Variants in SDK2 observed in about 807,000 individuals in gnomAD.
SDK2 encodes protein sidekick-2.
SDK2 carries 105 observed loss-of-function variants against 253.9 expected under a neutral mutation model. The ratio of observed to expected loss-of-function variants is 0.41; its 90% confidence interval spans 0.35 to 0.49. The LOEUF (loss-of-function observed/expected upper bound fraction) is 0.49, where lower values mean the gene tolerates loss of function less well. Among genes scored for constraint, SDK2 ranks in the 20% least tolerant of loss-of-function variants. The pLI, the probability that SDK2 is intolerant of heterozygous loss-of-function variation, is 0.06. For synonymous variants in SDK2, 1,249 were observed against 1,234.9 expected, an observed-to-expected ratio of 1.01 and a Z score of -0.24; for missense variants, 2,608 against 3,003.0, an observed-to-expected ratio of 0.87 and a Z score of 3.07.
Position 73,352,696 on chromosome 17 carries a change from C to T in SDK2, c.5594-59G>A. 1 of 1,575,292 alleles carries T rather than the reference C, an allele frequency of 6.3e-7. No individual in the cohort carries two copies. The highest frequency in any genetic ancestry group is 8.7e-7 in the Non-Finnish European group (1 of 1,150,536). On this transcript the variant is annotated intron_variant, in intron 40 of 44. Transcript: ENST00000392650. This position sits in a 1 kb window ranked among gnomAD's most constrained non-coding sequence, Gnocchi z 4.1. ...TGAGGGGAAGCCCCAAATCCCGCTC[C>T]CAGCCCCGTTCTGACTATGCTCCCT...
At chr17:73,414,780 G>A in intron 17 of SDK2, 21 bp from the exon 18 acceptor site, 1 of 1,521,964 alleles carries the variant, frequency 6.6e-7, no homozygotes, top group East Asian at 2.3e-5. Context: ...TGAGAGAACG[G>A]GGTGGGGTGG....
chr17:73,520,893 G>A (rs1246664950), intron 1 of SDK2: 2 of 152,306 alleles, frequency 1.3e-5, no homozygotes, highest in African/African-American at 2.4e-5. Context: ...TGACTGGCAG[G>A]TGGTTGGGAG....
chr17:73,535,899 A>G (rs2044764135), intron 1 of SDK2, among the ~76,000 whole-genome samples: 1 of 152,094 alleles, frequency 6.6e-6, no homozygotes, highest in Non-Finnish European at 1.5e-5. Flanking sequence ...GCTGGGGGTG[A>G]TGCATGCCCT....
Position 73,518,490 on chromosome 17 carries a change from C to T in SDK2, c.65-10893G>A, listed in dbSNP as rs1368755254. ...CTTGGTGCAGCCTCTGCAAGCCCTTCTCATAGCCGGGGCCTCCTGTTTGAA... is the reference window on the plus strand; with the variant it reads ...CTTGGTGCAGCCTCTGCAAGCCCTTTTCATAGCCGGGGCCTCCTGTTTGAA... On this transcript the variant is annotated intron_variant, in intron 1 of 44. Transcript: ENST00000392650. The T allele has an allele frequency of 4.6e-5, 7 of 152,192 alleles. 1 individual carries two copies. The highest frequency in any genetic ancestry group is 3.3e-4 in the Admixed American group (5 of 15,280). The allele number at this position is 152,192 out of a possible 1,614,324, so 9.4% of individuals were successfully genotyped here. A position where few individuals can be genotyped will look rare whatever the true frequency, so the allele number is the denominator to read the frequency against.
chr17:73,400,917 G>A, intron 21 of SDK2, 103 bp downstream of exon 21: 1 of 1,146,936 alleles, frequency 8.7e-7, no homozygotes. Context: ...CAAGGTGCTG[G>A]GACTACAGGC....
intron 5 of SDK2, 53 bp from the exon 6 acceptor site, chr17:73,440,976 C>T: frequency 7.4e-7 from 1 of 1,342,698 alleles, no homozygotes; most frequent in East Asian, 2.5e-5. Flanking sequence ...CCTATCCCTG[C>T]CCAGCCTCAT....
In SDK2 at chr17:73,352,534, C is replaced by A. The variant is rs1191521349; in HGVS notation, c.5697G>T (p.Arg1899=). Residue 1899 remains arginine (R), a synonymous_variant, in exon 41 of 45, where the codon CGG becomes CGT. Coordinates refer to ENST00000392650, the MANE Select transcript of SDK2 (RefSeq NM_001144952.2). This position sits in a 1 kb window ranked among gnomAD's most constrained non-coding sequence, Gnocchi z 4.1. ...AACCATAGTCGTTGACCGCGATGAC[C>A]CGGAAGTCATAGCTCACGCCCGGCT... is the stretch of plus-strand genomic sequence containing the variant. ...ILKPGVSYDF[R]VIAVNDYGFG... is the part of the protein sequence containing the mutation. The A allele has an allele frequency of 1.2e-6, 2 of 1,613,900 alleles. No homozygotes were observed. Among genetic ancestry groups the A allele is most frequent in the African/African-American group, 1.3e-5 (1 of 74,934 alleles).
At chr17:73,391,287 A>T (rs1036644126) in intron 28 of SDK2, among the ~76,000 whole-genome samples, 153 bp downstream of exon 28, 5 of 152,208 alleles carry the variant, frequency 3.3e-5, no homozygotes, top group African/African-American at 1.2e-4. Flanking sequence ...TGGAATTTCT[A>T]GCAGGAGGAC....
At chr17:73,355,200 G>A (rs1379244220) in intron 40 of SDK2, among the ~76,000 whole-genome samples, 6 of 30,604 alleles carry the variant, frequency 2.0e-4, no homozygotes, top group African/African-American at 6.0e-4. Flanking sequence ...TTTTTTAGAC[G>A]GAGTCTCACT....
chr17:73,611,474 G>A (rs1050007392), intron 1 of SDK2, among the ~76,000 whole-genome samples: 1 of 152,212 alleles, frequency 6.6e-6, no homozygotes, highest in Non-Finnish European at 1.5e-5. Context: ...CTTGCTGGAC[G>A]CCCAAGTCCC....
rs1194281119 is a variant in SDK2, at chr17:73,352,928, C to A, written c.5594-291G>T. On this transcript the variant is annotated intron_variant, in intron 40 of 44. Transcript: ENST00000392650. This position sits in a 1 kb window ranked among gnomAD's most constrained non-coding sequence, Gnocchi z 4.1. Reference sequence around the variant, plus strand: ...CCAACATGGTGAAACCCTGTCTCTACTAAAAATACAAAAATTAGTCTGGTG... The same window carrying A: ...CCAACATGGTGAAACCCTGTCTCTAATAAAAATACAAAAATTAGTCTGGTG... 6.6e-6 allele frequency among the ~76,000 whole-genome samples: 1 copy of A among 152,112 alleles called. No individual in the cohort carries two copies. The highest frequency in any genetic ancestry group is 1.5e-5 in the Non-Finnish European group (1 of 68,034).
chr17:73,469,981 T>TGCGCGCGCGC (rs10622822), intron 3 of SDK2, among the ~76,000 whole-genome samples: 216 of 129,588 alleles, frequency 1.7e-3, no homozygotes, highest in African/African-American at 5.8e-3. Flanking sequence ...CATTTGCGAC[T>TGCGCGCGCGC]GCGCGCGCGC....
At chr17:73,625,664 A>G (rs186846051) in intron 1 of SDK2, among the ~76,000 whole-genome samples, 1 of 151,686 alleles carries the variant, frequency 6.6e-6, no homozygotes, top group East Asian at 1.9e-4. Flanking sequence ...TCTTTTTTTG[A>G]GAGAGAGTCT....
intron 1 of SDK2, among the ~76,000 whole-genome samples, chr17:73,581,268 C>T (rs1343884232): frequency 6.6e-6 from 1 of 152,136 alleles, no homozygotes; most frequent in Non-Finnish European, 1.5e-5. Context: ...ACAGACTCCC[C>T]AAGTTCACTT....
chr17:73,585,928 C>T (rs1443857761), intron 1 of SDK2, among the ~76,000 whole-genome samples: 4 of 152,166 alleles, frequency 2.6e-5, no homozygotes, highest in African/African-American at 7.2e-5. Flanking sequence ...GCACACCAAG[C>T]GCATCCATAC....
rs575434577 is a variant in SDK2, at chr17:73,492,455, T to C, written c.224+14983A>G. 3.3e-5 allele frequency among the ~76,000 whole-genome samples: 5 copies of C among 152,232 alleles called. No individual in the cohort carries two copies. In the South Asian group the frequency reaches 1.0e-3, roughly 32 times the overall value. The stretch of plus-strand genomic sequence containing the variant: ...TCTCCCCTGGAGAGACTGTCTCTCT[T>C]AGTCACTAGTCTTCATTCTGCAGAA... On this transcript the variant is annotated intron_variant, in intron 2 of 44. Transcript: ENST00000392650.
intron 36 of SDK2, among the ~76,000 whole-genome samples, chr17:73,371,758 G>A (rs2062735888): frequency 6.6e-6 from 1 of 152,090 alleles, no homozygotes; most frequent in Admixed American, 6.5e-5. Flanking sequence ...TCAGGAGTTT[G>A]AGACCAGCCT....
chr17:73,363,827 G>A (rs751698617), intron 38 of SDK2, among the ~76,000 whole-genome samples: 15 of 151,964 alleles, frequency 9.9e-5, no homozygotes, highest in Admixed American at 8.5e-4. Flanking sequence ...ACCTTGTCTC[G>A]GGGACTGCTG....
intron 1 of SDK2, among the ~76,000 whole-genome samples, chr17:73,589,552 C>G (rs74577417): frequency 2.0e-4 from 31 of 152,330 alleles, no homozygotes; most frequent in African/African-American, 7.2e-4. Flanking sequence ...CCTCCATTTC[C>G]CAATCTGCAA....
Sources: gnomAD v4.1 joint callset for allele counts (sites outside exome capture counted in the v4.1 genomes callset) on GRCh38, gnomAD v4.1.1 for gene constraint, Gnocchi (gnomAD v3.1) non-coding constraint, MANE v1.5 for transcripts, NCBI Gene and HGNC (gene_info 2026-07-23, HGNC 2026-07-21) for gene names.